The following MINDY4 variants were observed in gnomAD, a reference collection of about 807,000 sequenced individuals.
MINDY4 encodes the protein MINDY lysine 48 deubiquitinase 4.
In MINDY4, 68 loss-of-function variants were observed where a neutral mutation model predicts 87.0. The ratio of observed to expected loss-of-function variants is 0.78; its 90% confidence interval spans 0.64 to 0.96. The LOEUF is 0.96. Ranked by LOEUF, MINDY4 falls within the 40% of genes least tolerant of loss-of-function variation. MINDY4 has a pLI of 0.00. For missense variants in MINDY4, 919 were observed against 928.2 expected, an observed-to-expected ratio of 0.99 and a Z score of 0.13; for synonymous variants, 379 against 363.2, an observed-to-expected ratio of 1.04 and a Z score of -0.50.
At chr7:30,887,599 C>T (rs908445550) in intron 17 of MINDY4, among the ~76,000 whole-genome samples, 2 of 152,216 alleles carry the variant, frequency 1.3e-5, no homozygotes, top group Non-Finnish European at 2.9e-5. Context: ...ACCATGGTTT[C>T]CCTGCTGAGT....
At chr7:30,819,353 T>C (rs1193145322) in intron 5 of MINDY4, among the ~76,000 whole-genome samples, 1 of 152,214 alleles carries the variant, frequency 6.6e-6, no homozygotes, top group Admixed American at 6.5e-5. Context: ...CATTGAATTC[T>C]TTTTTTATTT....
intron 13 of MINDY4, among the ~76,000 whole-genome samples, chr7:30,867,758 G>A (rs1317384797): frequency 1.3e-5 from 2 of 152,188 alleles, no homozygotes; most frequent in African/African-American, 4.8e-5. Flanking sequence ...GAGCTGGCCT[G>A]GTAGGACAGG....
At chr7:30,807,565 A>G (rs991103664) in intron 5 of MINDY4, among the ~76,000 whole-genome samples, 1 of 152,184 alleles carries the variant, frequency 6.6e-6, no homozygotes, top group Non-Finnish European at 1.5e-5. Flanking sequence ...CTTATGCCCA[A>G]TTTCTGCCTC....
chr7:30,802,761 T>A (rs1371585276), intron 5 of MINDY4, among the ~76,000 whole-genome samples: 6 of 152,192 alleles, frequency 3.9e-5, no homozygotes, highest in African/African-American at 1.4e-4. Flanking sequence ...GTTACATGAC[T>A]GCCTGATCAC....
intron 6 of MINDY4, 112 bp from the exon 7 acceptor site, chr7:30,836,546 C>A (rs921638795): frequency 1.1e-6 from 1 of 880,446 alleles, no homozygotes; most frequent in African/African-American, 1.7e-5. Context: ...AGGAACCCTC[C>A]TTTCACTCAA....
At chr7:30,841,590 C>T (rs1002555766) in intron 9 of MINDY4, among the ~76,000 whole-genome samples, 15 of 152,062 alleles carry the variant, frequency 9.9e-5, no homozygotes, top group South Asian at 6.2e-4. Context: ...CAGCTTGTAC[C>T]GAGTCACCCT....
chr7:30,872,129 A>T, intron 13 of MINDY4, 114 bp from the exon 14 acceptor site: 1 of 982,844 alleles, frequency 1.0e-6, no homozygotes, highest in Non-Finnish European at 1.6e-6. Flanking sequence ...GTTCCCACCA[A>T]ATCTGGAATT....
chr7:30,857,461 G>GTTTTTTTT (rs1176212442), intron 12 of MINDY4, among the ~76,000 whole-genome samples: 1 of 58,996 alleles, frequency 1.7e-5, no homozygotes, highest in South Asian at 6.1e-4. Flanking sequence ...TATCCACCTT[G>GTTTTTTTT]TTTTTTTTTT....
intron 17 of MINDY4, 102 bp downstream of exon 17, chr7:30,883,095 A>T (rs1790521947): frequency 9.2e-7 from 1 of 1,092,850 alleles, no homozygotes; most frequent in East Asian, 2.4e-5. Context: ...AGGTTCCTGG[A>T]CCACCCTGAT....
At chr7:30,800,157 T>C (rs977895218) in intron 5 of MINDY4, among the ~76,000 whole-genome samples, 1 of 152,170 alleles carries the variant, frequency 6.6e-6, no homozygotes, top group Non-Finnish European at 1.5e-5. Flanking sequence ...GGGACACCTG[T>C]GGCCTCCATG....
At chr7:30,839,561 G>A (rs1788970552) in intron 8 of MINDY4, among the ~76,000 whole-genome samples, 1 of 152,332 alleles carries the variant, frequency 6.6e-6, no homozygotes, top group Middle Eastern at 3.4e-3. Flanking sequence ...AGGAGCACTT[G>A]CTGTGAGTGG....
intron 6 of MINDY4, 151 bp from the exon 7 acceptor site, chr7:30,836,507 G>A (rs10247874): frequency 0.23 from 147,694 of 653,510 alleles, 20,207 homozygotes; most frequent in African/African-American, 0.45. Context: ...GGGAACTTCA[G>A]AACAGAGCTG....
intron 14 of MINDY4, among the ~76,000 whole-genome samples, 197 bp from the exon 15 acceptor site, chr7:30,875,298 T>TA (rs1259825520): frequency 6.6e-6 from 1 of 152,238 alleles, no homozygotes; most frequent in Admixed American, 6.5e-5. Context: ...TGCCTGGAGT[T>TA]ACCTTGATGA....
At chr7:30,858,944 A>G (rs1183944909) in intron 12 of MINDY4, 2 of 612,610 alleles carry the variant, frequency 3.3e-6, no homozygotes, top group Admixed American at 2.1e-5. Context: ...GATAATGCCC[A>G]TTAGATGCTT....
chr7:30,833,490 G>A lies in MINDY4; in HGVS notation c.1133-3168G>A, dbSNP rs201164640. Among the ~76,000 whole-genome samples the A allele has an allele frequency of 7.9e-5, 12 of 152,322 alleles. No individual in the cohort carries two copies. In the East Asian group the frequency reaches 2.3e-3, roughly 29 times the overall value. On this transcript the variant is annotated intron_variant, in intron 6 of 17. Coordinates refer to ENST00000265299, the MANE Select transcript of MINDY4 (RefSeq NM_032222.3). ...TCCCACAGTGTCCTTCCCACAACAT[G>A]TGGGAATTATGGGAGCTACAAGATG...
intron 10 of MINDY4, 139 bp from the exon 11 acceptor site, chr7:30,852,077 G>T (rs758364078): frequency 1.8e-5 from 16 of 904,584 alleles, no homozygotes; most frequent in East Asian, 2.7e-5. Context: ...GGGGAAAAAT[G>T]AGAAACTCTT....
chr7:30,829,188 C>T (rs1385976468), intron 6 of MINDY4, among the ~76,000 whole-genome samples: 2 of 152,160 alleles, frequency 1.3e-5, no homozygotes, highest in Admixed American at 1.3e-4. Context: ...CCTTAAGTGC[C>T]CTGGTCTGCA....
At chr7:30,883,234 G>A (rs1028596367) in intron 17 of MINDY4, among the ~76,000 whole-genome samples, 3 of 152,194 alleles carry the variant, frequency 2.0e-5, no homozygotes, top group African/African-American at 7.2e-5. Context: ...CTTCATGGTT[G>A]GGGGTGGGGG....
At chr7:30,836,121 G>A (rs973763738) in intron 6 of MINDY4, among the ~76,000 whole-genome samples, 3 of 152,234 alleles carry the variant, frequency 2.0e-5, no homozygotes, top group Non-Finnish European at 4.4e-5. Context: ...TCATAAGGCT[G>A]TTGTGGAAGA....
Sources: allele counts gnomAD v4.1 joint callset (sites outside exome capture counted in the v4.1 genomes callset), GRCh38; gene constraint gnomAD v4.1.1; transcripts MANE v1.5; gene names NCBI Gene and HGNC (gene_info 2026-07-23, HGNC 2026-07-21).